Variants in QSOX2 observed in about 807,000 individuals in gnomAD.
QSOX2 encodes sulfhydryl oxidase 2.
A neutral mutation model predicts 61.7 loss-of-function variants in QSOX2; 46 were observed. The observed-to-expected ratio is 0.75, with a 90% CI of 0.59 to 0.95. The LOEUF is 0.95. Among genes scored for constraint, QSOX2 ranks in the 40% least tolerant of loss-of-function variants. QSOX2 has a pLI of 0.00. For synonymous variants in QSOX2, 383 were observed against 388.4 expected (o/e 0.99, Z 0.16); for missense variants, 879 against 918.9 (o/e 0.96, Z 0.56).
chr9:136,213,114 C>T (rs539315331), intron 10 of QSOX2, among the ~76,000 whole-genome samples: 216 of 152,240 alleles, frequency 1.4e-3, no homozygotes, highest in African/African-American at 4.6e-3. Context: ...CTCATGCCTG[C>T]GTGTGCCCGT....
At position 136,207,751 on chromosome 9, in the gene QSOX2, G is replaced by C. The variant is rs932722133; in HGVS notation, c.*977C>G. The C allele has an allele frequency of 6.6e-6, 1 of 152,322 alleles. No homozygotes were observed. Among genetic ancestry groups the C allele is most frequent in the African/African-American group, 2.4e-5 (1 of 41,420 alleles). 9.4% of individuals were successfully genotyped at this position (152,322 alleles called of 1,614,324 possible). ...TGCTGGGTGAAGAGCAGACGACAGG[G>C]GGGGCTTTAGAAGTCTCCCTGGGGC... is the stretch of plus-strand genomic sequence containing the variant. On this transcript the variant is annotated 3_prime_UTR_variant, in exon 12 of 12. Transcript: ENST00000358701.
chr9:136,218,396 C>T (rs1588634419), intron 8 of QSOX2, among the ~76,000 whole-genome samples: 1 of 152,356 alleles, frequency 6.6e-6, no homozygotes, highest in African/African-American at 2.4e-5. Context: ...CCTCCATCTA[C>T]TCTCCAGGCA....
In QSOX2 at chr9:136,245,635, G is replaced by C. The variant is rs782095703; in HGVS notation, c.169C>G (p.Arg57Gly). The C allele has an allele frequency of 8.6e-6, 12 of 1,402,152 alleles. No homozygotes were observed. Among genetic ancestry groups the C allele is most frequent in the Non-Finnish European group, 1.1e-5 (12 of 1,081,978 alleles). 86.9% of individuals were successfully genotyped at this position (1,402,152 alleles called of 1,614,324 possible). Residue 57 changes from arginine to glycine, a missense_variant, in exon 1 of 12, where the codon CGC becomes GGC. Physicochemically the swap from Arg to Gly is moderately radical, Grantham distance 125. Transcript: ENST00000358701. ...ACCCACACGGCGTCCTCGCCCGCGCGGTACAGCCGCGCCGCACCGCCCGCG... is the reference window on the plus strand; with the variant it reads ...ACCCACACGGCGTCCTCGCCCGCGCCGTACAGCCGCGCCGCACCGCCCGCG... The part of the protein sequence containing the change: ...PGAGGAARLY[R>G]AGEDAVWVLD...
rs374373315 is a variant in QSOX2 at position 136,215,963 on chromosome 9, C to G, written c.1209+637G>C. 4.3e-4 allele frequency among the ~76,000 whole-genome samples: 66 copies of G among 152,368 alleles called. 2 individuals carry two copies. In the South Asian group the frequency reaches 0.013, roughly 31 times the overall value. On this transcript the variant is annotated intron_variant, in intron 9 of 11. Transcript: ENST00000358701. ...ACAGACTCAGGCAAGAAGCCCGGCA[C>G]CGTCTGCTTCTCAGCTGCAGCCAGC...
chr9:136,216,193 G>A (rs1831910640), intron 9 of QSOX2, among the ~76,000 whole-genome samples: 1 of 152,202 alleles, frequency 6.6e-6, no homozygotes, highest in Non-Finnish European at 1.5e-5. Flanking sequence ...GACCTCTTGG[G>A]GTGCTGGTCC....
intron 1 of QSOX2, among the ~76,000 whole-genome samples, chr9:136,231,301 C>T (rs995000716): frequency 2.0e-5 from 3 of 152,214 alleles, no homozygotes; most frequent in African/African-American, 7.2e-5. Context: ...CCTACCGTGG[C>T]GAATGAAGAC....
chr9:136,217,766 C>G (rs1439957782), intron 8 of QSOX2, among the ~76,000 whole-genome samples: 1 of 152,202 alleles, frequency 6.6e-6, no homozygotes, highest in African/African-American at 2.4e-5. Flanking sequence ...AAGAGCCACA[C>G]TGTCCTCCAC....
At chr9:136,212,451 C>G (rs1471537845) in intron 10 of QSOX2, among the ~76,000 whole-genome samples, 1 of 152,266 alleles carries the variant, frequency 6.6e-6, no homozygotes, top group African/African-American at 2.4e-5. Flanking sequence ...CAAAACACAG[C>G]TGCGTGCAGG....
chr9:136,235,454 C>T (rs1017218305), intron 1 of QSOX2, among the ~76,000 whole-genome samples: 5 of 152,218 alleles, frequency 3.3e-5, no homozygotes, highest in African/African-American at 1.2e-4. Context: ...GCCGCGGGAG[C>T]ACCTGGAGTC....
intron 1 of QSOX2, among the ~76,000 whole-genome samples, chr9:136,227,907 A>G (rs1417913575): frequency 2.6e-5 from 4 of 152,132 alleles, no homozygotes; most frequent in Admixed American, 6.5e-5. Context: ...TGAGCCCGGA[A>G]GGCACAGGCT....
At chr9:136,245,086 G>C (rs1554758321) in intron 1 of QSOX2, among the ~76,000 whole-genome samples, 1 of 152,146 alleles carries the variant, frequency 6.6e-6, no homozygotes, top group East Asian at 1.9e-4. Context: ...GAAACAGGTA[G>C]GGTAGGAGGC....
At chr9:136,235,170 G>C (rs935020238) in intron 1 of QSOX2, among the ~76,000 whole-genome samples, 2 of 152,256 alleles carry the variant, frequency 1.3e-5, no homozygotes, top group African/African-American at 4.8e-5. Flanking sequence ...CTGTAAAATG[G>C]AGATGCCAAG....
chr9:136,217,177 G>A (rs537883746), intron 8 of QSOX2, among the ~76,000 whole-genome samples: 1 of 152,388 alleles, frequency 6.6e-6, no homozygotes, highest in South Asian at 2.1e-4. Context: ...GTGCACATGC[G>A]CCGGCAGCCG....
chr9:136,211,858 G>A (rs1831850868), intron 10 of QSOX2, among the ~76,000 whole-genome samples: 1 of 152,246 alleles, frequency 6.6e-6, no homozygotes, highest in African/African-American at 2.4e-5. Flanking sequence ...GCTGGGTGCA[G>A]TCTCTCTTGC....
At chr9:136,220,682 G>A (rs577003792) in intron 6 of QSOX2, among the ~76,000 whole-genome samples, 38 of 152,260 alleles carry the variant, frequency 2.5e-4, no homozygotes, top group Admixed American at 1.4e-3. Flanking sequence ...GCCTCAGGAC[G>A]TTACTTAACT....
Position 136,245,579 on chromosome 9 carries a change from G to A in QSOX2, c.225C>T (p.Thr75=), listed in dbSNP as rs782555742. 8.9e-6 allele frequency: 14 copies of A among 1,577,486 alleles called. 3 individuals are homozygous for A. The South Asian group carries it at 1.6e-4, about 18-fold the overall frequency. The part of the protein sequence containing the change: ...VLDSGSVRGA[T]ANSSAAWLVQ... ...CGAGCCACGCGGCCGAGCTGTTGGCGGTGGCCCCGCGCACGCTGCCGCTGT... is the reference window on the plus strand; with the variant it reads ...CGAGCCACGCGGCCGAGCTGTTGGCAGTGGCCCCGCGCACGCTGCCGCTGT... Residue 75 remains threonine (T), a synonymous_variant, in exon 1 of 12, where the codon ACC becomes ACT. Coordinates refer to ENST00000358701, the MANE Select transcript of QSOX2 (RefSeq NM_181701.4).
intron 1 of QSOX2, among the ~76,000 whole-genome samples, chr9:136,241,380 C>T (rs779586895): frequency 2.0e-5 from 3 of 152,210 alleles, no homozygotes; most frequent in Non-Finnish European, 2.9e-5. Flanking sequence ...TTCCAGTAAA[C>T]GGACAATGAG....
Position 136,209,350 on chromosome 9 carries a change from A to C in QSOX2, c.1550-75T>G. 1 of 1,543,414 alleles carries C rather than the reference A, an allele frequency of 6.5e-7. No individual in the cohort carries two copies. Among genetic ancestry groups the C allele is most frequent in the Non-Finnish European group, 8.7e-7 (1 of 1,143,194 alleles). On this transcript the variant is annotated intron_variant, in intron 11 of 11. Coordinates refer to ENST00000358701, the MANE Select transcript of QSOX2 (RefSeq NM_181701.4). This position sits in a 1 kb window ranked among gnomAD's most constrained non-coding sequence, Gnocchi z 5.6. ...GCCACGTGCAGCGTGCGGCAACCGG[A>C]CTCCCACTCCCACCCACCACGGGCC...
chr9:136,208,618 C>G lies in QSOX2; in HGVS notation c.*110G>C. 7.6e-7 allele frequency: 1 copy of G among 1,319,066 alleles called. No individual in the cohort carries two copies. Among genetic ancestry groups the G allele is most frequent in the South Asian group, 1.6e-5 (1 of 61,088 alleles). The allele number at this position is 1,319,066 out of a possible 1,614,324, so 81.7% of individuals were successfully genotyped here. On this transcript the variant is annotated 3_prime_UTR_variant, in exon 12 of 12. Transcript: ENST00000358701. ...CAAAAGGTGCCATCCGATGTGAAACCAGGCCCGCATGTTTATAAAATCCCT... is the reference window on the plus strand; with the variant it reads ...CAAAAGGTGCCATCCGATGTGAAACGAGGCCCGCATGTTTATAAAATCCCT...
Sources: allele counts gnomAD v4.1 joint callset (sites outside exome capture counted in the v4.1 genomes callset), GRCh38; gene constraint gnomAD v4.1.1; non-coding constraint Gnocchi (gnomAD v3.1); transcripts MANE v1.5; gene names NCBI Gene and HGNC (gene_info 2026-07-23, HGNC 2026-07-21).